TENM3: variants seen among roughly 807,000 people sequenced by gnomAD.
The protein encoded by TENM3 is teneurin transmembrane protein 3.
Under a neutral mutation model 255.1 loss-of-function variants are expected in TENM3, and 63 were observed. The observed-to-expected ratio is 0.25, with a 90% CI of 0.20 to 0.30. The LOEUF (loss-of-function observed/expected upper bound fraction) is 0.30. TENM3 is among the 10% of genes least tolerant of loss of function. The pLI is 1.00. For missense variants in TENM3, 2,929 were observed against 3,461.1 expected, an observed-to-expected ratio of 0.85 and a Z score of 3.86; for synonymous variants, 1,306 against 1,322.3, an observed-to-expected ratio of 0.99 and a Z score of 0.27.
At position 182,659,703 on chromosome 4, in the gene TENM3, A is replaced by G. The variant is rs188174956; in HGVS notation, c.1111+5810A>G. Among the ~76,000 whole-genome samples the G allele has an allele frequency of 2.4e-3, 368 of 152,272 alleles. 4 individuals are homozygous for G. The highest frequency in any genetic ancestry group is 8.5e-3 in the African/African-American group (354 of 41,548). On this transcript the variant is annotated intron_variant, in intron 6 of 27. Transcript: ENST00000511685. ...TCTCAGCTGGATATGGTAGCCTTCTATCTGCGCTGTATGTCTCCAGTCTTG... is the reference window on the plus strand; with the variant it reads ...TCTCAGCTGGATATGGTAGCCTTCTGTCTGCGCTGTATGTCTCCAGTCTTG...
the TENM3 span, among the ~76,000 whole-genome samples, chr4:182,111,603 G>C: frequency 6.6e-6 from 1 of 152,138 alleles, no homozygotes; most frequent in Non-Finnish European, 1.5e-5. Context: ...TGCTTCTATG[G>C]GCAGACAGCA....
In TENM3 at chr4:182,773,535, T is replaced by A. The variant is rs1764436181; in HGVS notation, c.4956T>A (p.His1652Gln). The change falls in exon 23 of 28, where the codon CAT (histidine) becomes CAA (glutamine). Residue 1652 changes from histidine (H) to glutamine (Q), a missense_variant. This residue lies in a region of TENM3 where 1,608 missense variants were observed against 1,884.4 expected (regional missense o/e 0.85). Coordinates refer to ENST00000511685, the MANE Select transcript of TENM3 (RefSeq NM_001080477.4). ...TFPTGVVTNL[H>Q]GDMDKAITVD... ...CAACTGGAGTGGTCACAAACCTGCA[T>A]GGGGACATGGACAAGGCTATCACAG... 4 of 1,613,874 alleles carry A rather than the reference T, an allele frequency of 2.5e-6. No homozygotes were observed. The highest frequency in any genetic ancestry group is 1.1e-5 in the South Asian group (1 of 91,044).
At chr4:182,262,755 C>G (rs183119238) in intron 1 of TENM3, among the ~76,000 whole-genome samples, 2,095 of 148,916 alleles carry the variant, frequency 0.014, 31 homozygotes, top group Non-Finnish European at 0.021. Flanking sequence ...GGAATCTCGC[C>G]CAGGCTGGAA....
At chr4:182,014,306 C>G in the TENM3 span, among the ~76,000 whole-genome samples, 4 of 151,814 alleles carry the variant, frequency 2.6e-5, no homozygotes, top group Admixed American at 2.6e-4. Flanking sequence ...TTAAATAGAG[C>G]AAGGTTAGCC....
chr4:182,360,623 G>A (rs1280142774), intron 3 of TENM3, among the ~76,000 whole-genome samples: 3 of 152,136 alleles, frequency 2.0e-5, no homozygotes, highest in Admixed American at 1.3e-4. Flanking sequence ...GTCTCTGCAT[G>A]TGAGATGGGT....
chr4:182,029,223 A>G, the TENM3 span, among the ~76,000 whole-genome samples: 1 of 152,140 alleles, frequency 6.6e-6, no homozygotes, highest in East Asian at 1.9e-4. Context: ...TAAACCATTC[A>G]TGAGATCAGG....
At chr4:181,940,176 G>GT in the TENM3 span, among the ~76,000 whole-genome samples, 6 of 152,106 alleles carry the variant, frequency 3.9e-5, no homozygotes, top group Admixed American at 1.3e-4. Flanking sequence ...AAAGTGTCTT[G>GT]TTTTTTATAA....
At position 182,577,280 on chromosome 4, in the gene TENM3, G is replaced by T. The variant is rs552599908; in HGVS notation, c.512-23644G>T. Among the ~76,000 whole-genome samples, 5 of 152,316 alleles carry T rather than the reference G, an allele frequency of 3.3e-5. No individual in the cohort carries two copies. In the East Asian group the frequency reaches 5.8e-4, roughly 18 times the overall value. On this transcript the variant is annotated intron_variant, in intron 3 of 27. Transcript: ENST00000511685. ...GAGGCAATAAATATAGTGTAGTAGG[G>T]AGGAAAGCTTTAAAAAAGCAGGAAA...
the TENM3 span, among the ~76,000 whole-genome samples, chr4:181,743,740 A>G: frequency 6.6e-6 from 1 of 152,128 alleles, no homozygotes; most frequent in South Asian, 2.1e-4. Flanking sequence ...GGAGCTTTTA[A>G]AGGACATTTT....
the TENM3 span, among the ~76,000 whole-genome samples, chr4:181,460,445 C>A: frequency 6.6e-6 from 1 of 151,776 alleles, no homozygotes; most frequent in Non-Finnish European, 1.5e-5. Context: ...TTTGTATTAT[C>A]TGATGATCTC....
intron 1 of TENM3, among the ~76,000 whole-genome samples, chr4:182,152,936 G>A (rs1232556631): frequency 6.6e-6 from 1 of 151,772 alleles, no homozygotes; most frequent in Non-Finnish European, 1.5e-5. Context: ...TAAAAGTGCA[G>A]TCTCAAACAG....
intron 3 of TENM3, among the ~76,000 whole-genome samples, chr4:182,525,851 T>C (rs1739107380): frequency 6.6e-6 from 1 of 152,240 alleles, no homozygotes; most frequent in Non-Finnish European, 1.5e-5. Flanking sequence ...TATGGAAATA[T>C]TCAAGCCTCA....
chr4:182,447,285 AC>A (rs1319281795), intron 3 of TENM3, among the ~76,000 whole-genome samples: 9 of 151,972 alleles, frequency 5.9e-5, no homozygotes, highest in Admixed American at 5.2e-4. Context: ...AAAAAAAAAA[AC>A]TAAGGTGTGG....
the TENM3 span, among the ~76,000 whole-genome samples, chr4:182,036,290 A>G: frequency 6.6e-6 from 1 of 152,072 alleles, no homozygotes; most frequent in Non-Finnish European, 1.5e-5. Flanking sequence ...TCCCAGGTTC[A>G]AGTGATTCTC....
the TENM3 span, among the ~76,000 whole-genome samples, chr4:181,706,633 A>G: frequency 2.6e-5 from 4 of 152,204 alleles, no homozygotes; most frequent in Admixed American, 1.3e-4. Flanking sequence ...TATATATTCA[A>G]TGTGATAAAC....
the TENM3 span, among the ~76,000 whole-genome samples, chr4:182,138,980 G>A: frequency 6.6e-6 from 1 of 152,088 alleles, no homozygotes; most frequent in Admixed American, 6.6e-5. Flanking sequence ...ACATACCCCT[G>A]TTTAAAAAAG....
intron 1 of TENM3, among the ~76,000 whole-genome samples, chr4:182,163,671 G>A (rs1487997599): frequency 1.3e-5 from 2 of 152,318 alleles, no homozygotes; most frequent in East Asian, 1.9e-4. Context: ...TACAGGCAGA[G>A]CCTCTTATTG....
chr4:182,014,806 A>G, the TENM3 span, among the ~76,000 whole-genome samples: 1 of 152,134 alleles, frequency 6.6e-6, no homozygotes, highest in Non-Finnish European at 1.5e-5. Context: ...TGAGCACAGG[A>G]GAGCATGCCC....
the TENM3 span, among the ~76,000 whole-genome samples, chr4:182,069,740 A>G: frequency 1.3e-5 from 2 of 150,462 alleles, no homozygotes; most frequent in African/African-American, 5.0e-5. Context: ...CACACAAGAG[A>G]TCAGAGAATC....
Sources: allele counts gnomAD v4.1 joint callset (sites outside exome capture counted in the v4.1 genomes callset), GRCh38; gene constraint gnomAD v4.1.1; regional missense constraint gnomAD v4.1.1; transcripts MANE v1.5; gene names NCBI Gene and HGNC (gene_info 2026-07-23, HGNC 2026-07-21).